AKAP13: variants seen among roughly 807,000 people sequenced by gnomAD.
AKAP13 encodes the protein A-kinase anchoring protein 13, also known as A-kinase anchor protein 13.
AKAP13 carries 80 observed loss-of-function variants against 264.5 expected under a neutral mutation model. That is an observed-to-expected ratio of 0.30 (90% CI 0.25 to 0.36). AKAP13 has a LOEUF of 0.36. Among genes scored for constraint, AKAP13 ranks in the 10% least tolerant of loss-of-function variants. The pLI is 1.00. For synonymous variants in AKAP13, 1,380 were observed against 1,250.2 expected, an observed-to-expected ratio of 1.10 and a Z score of -2.19; for missense variants, 3,712 against 3,435.2, an observed-to-expected ratio of 1.08 and a Z score of -2.01.
At chr15:85,740,339 G>A (rs761289270) in intron 34 of AKAP13, 67 bp downstream of exon 34, 18 of 1,568,174 alleles carry the variant, frequency 1.1e-5, no homozygotes, top group Non-Finnish European at 1.5e-5. Flanking sequence ...GGCTGTTGTT[G>A]ACTTGGATCT....
intron 35 of AKAP13, among the ~76,000 whole-genome samples, chr15:85,742,972 G>A (rs2089153984): frequency 6.6e-6 from 1 of 152,146 alleles, no homozygotes; most frequent in Non-Finnish European, 1.5e-5. Context: ...CTTTGACAAA[G>A]GAGGGTTCCC....
rs1255859227 is a variant in AKAP13 at position 85,718,485 on chromosome 15, T to C, written c.6001+326T>C. Among the ~76,000 whole-genome samples the C allele has an allele frequency of 1.3e-5, 2 of 152,222 alleles. No individual in the cohort carries two copies. The highest frequency in any genetic ancestry group is 2.9e-5 in the Non-Finnish European group (2 of 68,020). The stretch of plus-strand genomic sequence containing the variant: ...ACAAGTCATTTCTGAGAACTGGGTA[T>C]ACAGTCAGTTACGACAGGTGCTGAA... On this transcript the variant is annotated intron_variant, in intron 22 of 36. Coordinates refer to ENST00000394518, the MANE Select transcript of AKAP13 (RefSeq NM_007200.5). This position sits in a 1 kb window ranked among gnomAD's most constrained non-coding sequence, Gnocchi z 4.9.
chr15:85,390,221 A>G (rs767323026), intron 1 of AKAP13, among the ~76,000 whole-genome samples: 3 of 152,240 alleles, frequency 2.0e-5, no homozygotes, highest in Non-Finnish European at 4.4e-5. Flanking sequence ...GGAAGTAGAA[A>G]ATAAACGAGT....
At chr15:85,382,300 G>A (rs1277567484) in intron 1 of AKAP13, 1 of 152,240 alleles carries the variant, frequency 6.6e-6, no homozygotes, top group Non-Finnish European at 1.5e-5. Flanking sequence ...AGTGAGTCCT[G>A]TGGAGAAGCG....
At chr15:85,434,336 G>A (rs982905694) in intron 1 of AKAP13, among the ~76,000 whole-genome samples, 1 of 152,104 alleles carries the variant, frequency 6.6e-6, no homozygotes, top group Non-Finnish European at 1.5e-5. Context: ...ACGGAATCTC[G>A]CTGACTGCTA....
At chr15:85,396,828 A>G (rs911784509) in intron 1 of AKAP13, among the ~76,000 whole-genome samples, 3 of 151,992 alleles carry the variant, frequency 2.0e-5, no homozygotes, top group African/African-American at 7.2e-5. Context: ...TTTCTGTCAA[A>G]TTAGACATGG....
At chr15:85,551,032 G>A (rs944966695) in intron 5 of AKAP13, among the ~76,000 whole-genome samples, 5 of 152,116 alleles carry the variant, frequency 3.3e-5, no homozygotes, top group East Asian at 1.9e-4. Context: ...ATAGTTAGTC[G>A]CTCTTTTCAC....
intron 1 of AKAP13, among the ~76,000 whole-genome samples, chr15:85,469,413 T>C (rs1420416397): frequency 1.3e-5 from 2 of 152,166 alleles, no homozygotes; most frequent in African/African-American, 4.8e-5. Flanking sequence ...GATTACCTCT[T>C]TCCAGGTAGT....
At chr15:85,513,479 A>G (rs1296808983) in intron 2 of AKAP13, among the ~76,000 whole-genome samples, 1 of 152,208 alleles carries the variant, frequency 6.6e-6, no homozygotes, top group Non-Finnish European at 1.5e-5. Flanking sequence ...AAGTAGTACA[A>G]AGAATACTCA....
chr15:85,677,226 C>A, intron 14 of AKAP13: 1 of 797,356 alleles, frequency 1.3e-6, no homozygotes, highest in Non-Finnish European at 1.5e-6. Context: ...CTTTGTAAGT[C>A]ATTTGTCTTT....
intron 4 of AKAP13, among the ~76,000 whole-genome samples, chr15:85,540,309 G>A (rs1254470852): frequency 3.3e-5 from 5 of 152,168 alleles, no homozygotes; most frequent in Non-Finnish European, 5.9e-5. Flanking sequence ...TGCTTTCAGA[G>A]CCTTCCAGTT....
chr15:85,565,532 A>G (rs990631967), intron 5 of AKAP13, among the ~76,000 whole-genome samples: 4 of 152,234 alleles, frequency 2.6e-5, no homozygotes, highest in African/African-American at 7.2e-5. Context: ...CAGAAACACA[A>G]GGCTGACGGA....
At chr15:85,427,171 G>A (rs62022066) in intron 1 of AKAP13, among the ~76,000 whole-genome samples, 19,032 of 151,750 alleles carry the variant, frequency 0.13, 1,556 homozygotes, top group Non-Finnish European at 0.19. Flanking sequence ...TAGCTAGGAC[G>A]GTCTCGATCT....
chr15:85,561,752 T>C (rs2078385585), intron 5 of AKAP13, among the ~76,000 whole-genome samples: 1 of 152,174 alleles, frequency 6.6e-6, no homozygotes, highest in Non-Finnish European at 1.5e-5. Flanking sequence ...CCAGAAGTTA[T>C]GGACTCATTG....
At chr15:85,393,296 A>G (rs2070955870) in intron 1 of AKAP13, among the ~76,000 whole-genome samples, 1 of 152,190 alleles carries the variant, frequency 6.6e-6, no homozygotes, top group African/African-American at 2.4e-5. Flanking sequence ...GCAGTTTGGG[A>G]GTTATTTGGG....
intron 8 of AKAP13, among the ~76,000 whole-genome samples, chr15:85,613,498 G>A (rs1218341018): frequency 6.6e-6 from 1 of 151,628 alleles, no homozygotes; most frequent in Non-Finnish European, 1.5e-5. Flanking sequence ...TGGCTAACAC[G>A]GTGAAACCCC....
chr15:85,532,045 C>A (rs180808657), intron 3 of AKAP13, among the ~76,000 whole-genome samples: 2 of 152,330 alleles, frequency 1.3e-5, no homozygotes, highest in Non-Finnish European at 2.9e-5. Context: ...TAACATGGGG[C>A]AAGTTACTTC....
intron 10 of AKAP13, among the ~76,000 whole-genome samples, chr15:85,649,152 AAT>A (rs907950265): frequency 6.6e-6 from 1 of 152,206 alleles, no homozygotes; most frequent in African/African-American, 2.4e-5. Context: ...ATTTGATCTC[AAT>A]TTGTCTGCCC....
rs1443906893 is a variant in AKAP13, at chr15:85,491,826, C to G, written c.33+6073C>G. On this transcript the variant is annotated intron_variant, in intron 2 of 36. Coordinates refer to ENST00000394518, the MANE Select transcript of AKAP13 (RefSeq NM_007200.5). ...GTTGACAGCTCCTTAAAAACAAGAGCTCATGTTTGCATAGTACCTCATAGT... is the reference window on the plus strand; with the variant it reads ...GTTGACAGCTCCTTAAAAACAAGAGGTCATGTTTGCATAGTACCTCATAGT... Among the ~76,000 whole-genome samples, 5 of 152,092 alleles carry G rather than the reference C, an allele frequency of 3.3e-5. No individual in the cohort carries two copies. The East Asian group carries it at 9.6e-4, about 29-fold the overall frequency.
Sources: allele counts gnomAD v4.1 joint callset (sites outside exome capture counted in the v4.1 genomes callset), GRCh38; gene constraint gnomAD v4.1.1; non-coding constraint Gnocchi (gnomAD v3.1); transcripts MANE v1.5; gene names NCBI Gene and HGNC (gene_info 2026-07-23, HGNC 2026-07-21).